LUZP2: variants seen among roughly 807,000 people sequenced by gnomAD.
LUZP2 encodes the protein leucine zipper protein 2.
In LUZP2, 52 loss-of-function variants were observed where a neutral mutation model predicts 51.6. That is an observed-to-expected ratio of 1.01 (90% CI 0.81 to 1.27). The LOEUF (loss-of-function observed/expected upper bound fraction) is 1.27, where lower values mean the gene tolerates loss of function less well. Among genes scored for constraint, LUZP2 ranks in the 50% most tolerant of loss-of-function variants. The pLI is 0.00. For synonymous variants in LUZP2, 154 were observed against 137.3 expected, an observed-to-expected ratio of 1.12 and a Z score of -0.85; for missense variants, 436 against 395.4, an observed-to-expected ratio of 1.10 and a Z score of -0.87.
intron 1 of LUZP2, among the ~76,000 whole-genome samples, chr11:24,682,574 TTA>T (rs375839767): frequency 6.4e-5 from 9 of 140,530 alleles, no homozygotes; most frequent in Admixed American, 3.6e-4. Context: ...CCTACTGAAT[TTA>T]TATATATATA....
chr11:24,682,069 T>G (rs1366235577), intron 1 of LUZP2, among the ~76,000 whole-genome samples: 3 of 152,188 alleles, frequency 2.0e-5, no homozygotes, highest in Admixed American at 1.3e-4. Flanking sequence ...TAAGCAAAGG[T>G]GTCTATCTCA....
At chr11:24,769,917 T>C (rs978564827) in intron 5 of LUZP2, among the ~76,000 whole-genome samples, 2 of 152,034 alleles carry the variant, frequency 1.3e-5, no homozygotes, top group Non-Finnish European at 2.9e-5. Context: ...CCCAGCCTCC[T>C]AAGTAGCTAG....
intron 7 of LUZP2, among the ~76,000 whole-genome samples, chr11:24,976,282 G>A (rs780258832): frequency 3.9e-5 from 6 of 151,902 alleles, no homozygotes; most frequent in Non-Finnish European, 8.8e-5. Flanking sequence ...AAATATAAGT[G>A]ATGGATCTAA....
At chr11:24,829,884 T>G (rs533676060) in intron 5 of LUZP2, among the ~76,000 whole-genome samples, 1 of 152,312 alleles carries the variant, frequency 6.6e-6, no homozygotes, top group Admixed American at 6.5e-5. Flanking sequence ...AAAACATGAT[T>G]GTGGATAAAA....
intron 5 of LUZP2, among the ~76,000 whole-genome samples, chr11:24,776,255 A>G (rs960861964): frequency 2.6e-5 from 4 of 152,212 alleles, no homozygotes; most frequent in African/African-American, 9.6e-5. Flanking sequence ...TCATATTTTA[A>G]TTAGAAACAA....
chr11:24,843,982 T>G (rs1193185196), intron 5 of LUZP2, among the ~76,000 whole-genome samples: 1 of 152,162 alleles, frequency 6.6e-6, no homozygotes, highest in Non-Finnish European at 1.5e-5. Context: ...TATGTCTTTA[T>G]TAGCAGTGTG....
At chr11:24,636,729 C>T (rs1396060350) in intron 1 of LUZP2, among the ~76,000 whole-genome samples, 10 of 152,194 alleles carry the variant, frequency 6.6e-5, no homozygotes, top group Admixed American at 5.2e-4. Flanking sequence ...GGTGTCTACA[C>T]TTCTTTCCTA....
chr11:24,762,673 A>G (rs919987968), intron 4 of LUZP2, among the ~76,000 whole-genome samples: 2 of 152,138 alleles, frequency 1.3e-5, no homozygotes, highest in African/African-American at 4.8e-5. Context: ...ACCATTTTTT[A>G]CAAAGCACTC....
intron 1 of LUZP2, among the ~76,000 whole-genome samples, chr11:24,656,593 A>G (rs1254305627): frequency 2.0e-5 from 3 of 152,204 alleles, no homozygotes; most frequent in African/African-American, 7.2e-5. Flanking sequence ...CTGGGAAAGA[A>G]TCTTCTTCCG....
intron 9 of LUZP2, among the ~76,000 whole-genome samples, chr11:25,029,140 T>G (rs909762182): frequency 1.3e-5 from 2 of 151,574 alleles, no homozygotes; most frequent in African/African-American, 4.9e-5. Context: ...AAAAAGAAAA[T>G]AGAAAGAATA....
chr11:24,720,143 G>T (rs1176467389), intron 1 of LUZP2, among the ~76,000 whole-genome samples: 2 of 152,048 alleles, frequency 1.3e-5, no homozygotes, highest in Admixed American at 6.6e-5. Flanking sequence ...CTAACTAAAT[G>T]ATTTCCCACA....
chr11:24,717,132 C>T (rs956957379), intron 1 of LUZP2, among the ~76,000 whole-genome samples: 1 of 151,608 alleles, frequency 6.6e-6, no homozygotes, highest in Non-Finnish European at 1.5e-5. Context: ...GAAGTAATTT[C>T]TCTAACTAGA....
At chr11:24,591,224 A>G (rs975588016) in intron 1 of LUZP2, among the ~76,000 whole-genome samples, 4 of 152,046 alleles carry the variant, frequency 2.6e-5, no homozygotes, top group African/African-American at 9.7e-5. Flanking sequence ...GTAAAAAGCA[A>G]GTTCATCAGG....
At chr11:24,819,126 T>C (rs1340943573) in intron 5 of LUZP2, among the ~76,000 whole-genome samples, 2 of 151,980 alleles carry the variant, frequency 1.3e-5, no homozygotes, top group Non-Finnish European at 2.9e-5. Context: ...CGTTTGTTTG[T>C]TACTGAGAAG....
intron 1 of LUZP2, among the ~76,000 whole-genome samples, chr11:24,612,162 A>G (rs1415676253): frequency 7.9e-5 from 12 of 152,150 alleles, no homozygotes; most frequent in Non-Finnish European, 1.8e-4. Flanking sequence ...AGATGTAATG[A>G]TCATTTGGAT....
chr11:24,585,831 C>T lies in LUZP2; in HGVS notation c.62+88526C>T, dbSNP rs73431197. On this transcript the variant is annotated intron_variant, in intron 1 of 11. Coordinates refer to ENST00000336930, the MANE Select transcript of LUZP2 (RefSeq NM_001009909.4). ...TGTCTTACTCTTACAAGGAATTAAACCAATGTAATATGATTTCAGAATGAT... is the reference window on the plus strand; with the variant it reads ...TGTCTTACTCTTACAAGGAATTAAATCAATGTAATATGATTTCAGAATGAT... Among the ~76,000 whole-genome samples the T allele has an allele frequency of 2.5e-3, 385 of 152,134 alleles. 1 individual carries two copies. The highest frequency in any genetic ancestry group is 8.9e-3 in the African/African-American group (370 of 41,508).
intron 5 of LUZP2, among the ~76,000 whole-genome samples, chr11:24,878,343 C>G (rs1277671317): frequency 7.2e-5 from 11 of 151,984 alleles, no homozygotes; most frequent in African/African-American, 2.7e-4. Flanking sequence ...GTTGTGTTCT[C>G]TCAGCTCTTT....
intron 5 of LUZP2, among the ~76,000 whole-genome samples, chr11:24,873,087 A>G (rs950413762): frequency 2.0e-5 from 3 of 152,180 alleles, no homozygotes; most frequent in African/African-American, 7.2e-5. Context: ...TGGAAATGCA[A>G]TTAAGACAGA....
intron 7 of LUZP2, among the ~76,000 whole-genome samples, chr11:24,961,091 A>G (rs919251637): frequency 2.0e-5 from 3 of 152,064 alleles, no homozygotes; most frequent in Non-Finnish European, 4.4e-5. Context: ...TTCTAGTTTG[A>G]TTGCACTGTG....
Sources: gnomAD v4.1 joint callset for allele counts (sites outside exome capture counted in the v4.1 genomes callset) on GRCh38, gnomAD v4.1.1 for gene constraint, MANE v1.5 for transcripts, NCBI Gene and HGNC (gene_info 2026-07-23, HGNC 2026-07-21) for gene names.